TARS3: variants seen among roughly 807,000 people sequenced by gnomAD.
The protein encoded by TARS3 is threonyl-tRNA synthetase 3, also known as threonine--tRNA ligase 2, cytoplasmic.
A neutral mutation model predicts 103.5 loss-of-function variants in TARS3; 94 were observed. That is an observed-to-expected ratio of 0.91 (90% CI 0.77 to 1.08). TARS3 has a LOEUF of 1.08. Ranked by LOEUF, TARS3 falls within the 50% of genes least tolerant of loss-of-function variation. The probability of loss-of-function intolerance (pLI) is 0.00; values close to 1 mark genes in which losing one functional copy is unlikely to be tolerated. For synonymous variants in TARS3, 416 were observed against 355.4 expected, an observed-to-expected ratio of 1.17 and a Z score of -1.92; for missense variants, 952 against 995.2, an observed-to-expected ratio of 0.96 and a Z score of 0.58.
chr15:101,682,862 A>G (rs1352717351), intron 12 of TARS3, among the ~76,000 whole-genome samples: 2 of 152,178 alleles, frequency 1.3e-5, no homozygotes, highest in Admixed American at 1.3e-4. Flanking sequence ...GTAAAGTTTA[A>G]TAGTTTTGTC....
chr15:101,719,731 C>T (rs1900350861), intron 3 of TARS3, among the ~76,000 whole-genome samples: 1 of 152,184 alleles, frequency 6.6e-6, no homozygotes. Flanking sequence ...ACCCAGCTTC[C>T]ACCGCTAGAC....
intron 10 of TARS3, among the ~76,000 whole-genome samples, chr15:101,689,178 C>A (rs1276751154): frequency 6.6e-6 from 1 of 152,088 alleles, no homozygotes; most frequent in Non-Finnish European, 1.5e-5. Flanking sequence ...CCCTTGATCG[C>A]AATTACTGGG....
chr15:101,714,394 A>C (rs1900025237), intron 4 of TARS3, among the ~76,000 whole-genome samples: 1 of 152,028 alleles, frequency 6.6e-6, no homozygotes, highest in East Asian at 1.9e-4. Flanking sequence ...GCTCGAGCCC[A>C]GGAGTTTGAG....
chr15:101,707,953 C>T (rs1899651728), intron 6 of TARS3, among the ~76,000 whole-genome samples: 1 of 152,088 alleles, frequency 6.6e-6, no homozygotes, highest in African/African-American at 2.4e-5. Context: ...TTTCAAAGTA[C>T]ATGTTTTTGG....
In TARS3 at chr15:101,654,553, T is replaced by C; in HGVS notation, c.*29A>G. On this transcript the variant is annotated 3_prime_UTR_variant, in exon 19 of 19. Coordinates refer to ENST00000335968, the MANE Select transcript of TARS3 (RefSeq NM_152334.3). Reference sequence around the variant, plus strand: ...ACATTTTTAAGGGTCAAAACAAAGTTACACAGAAGCAAATATCAGGGAAGG... The same window carrying C: ...ACATTTTTAAGGGTCAAAACAAAGTCACACAGAAGCAAATATCAGGGAAGG... 2.5e-6 allele frequency: 4 copies of C among 1,600,882 alleles called. No homozygotes were observed. Among genetic ancestry groups the C allele is most frequent in the Non-Finnish European group, 2.6e-6 (3 of 1,176,416 alleles).
intron 3 of TARS3, 129 bp from the exon 4 acceptor site, chr15:101,715,092 C>G (rs1900076321): frequency 1.3e-6 from 1 of 756,392 alleles, no homozygotes; most frequent in African/African-American, 1.8e-5. Context: ...ACTAATAGGA[C>G]AGATATTTCT....
chr15:101,688,878 TTC>T (rs1441357002), intron 10 of TARS3, among the ~76,000 whole-genome samples: 1 of 152,186 alleles, frequency 6.6e-6, no homozygotes, highest in African/African-American at 2.4e-5. Context: ...TGTTCCTGTC[TTC>T]TGTTTTTCAG....
chr15:101,699,456 C>G, intron 10 of TARS3: 1 of 455,930 alleles, frequency 2.2e-6, no homozygotes, highest in Non-Finnish European at 4.4e-6. Flanking sequence ...TAAGAGATCC[C>G]CTTAATGCCA....
chr15:101,674,501 T>G (rs980559877), intron 13 of TARS3, among the ~76,000 whole-genome samples: 1 of 152,306 alleles, frequency 6.6e-6, no homozygotes, highest in Admixed American at 6.5e-5. Context: ...CTGCGAAAGT[T>G]CCAGCCACAG....
At chr15:101,717,998 A>G (rs538293310) in intron 3 of TARS3, among the ~76,000 whole-genome samples, 2 of 152,260 alleles carry the variant, frequency 1.3e-5, no homozygotes, top group Non-Finnish European at 2.9e-5. Context: ...TTGTGATAGT[A>G]TATCAAAATA....
chr15:101,678,361 C>T (rs1219556480), intron 12 of TARS3, among the ~76,000 whole-genome samples: 3 of 152,178 alleles, frequency 2.0e-5, no homozygotes, highest in African/African-American at 7.2e-5. Context: ...TAGGGCTTTA[C>T]ACTGCCTTTT....
At chr15:101,666,760 A>G (rs1897596981) in intron 15 of TARS3, among the ~76,000 whole-genome samples, 1 of 152,212 alleles carries the variant, frequency 6.6e-6, no homozygotes, top group Admixed American at 6.5e-5. Flanking sequence ...TATATGAGAA[A>G]TGATACTAGA....
At chr15:101,659,630 C>G (rs1450192053) in intron 16 of TARS3, among the ~76,000 whole-genome samples, 4 of 152,206 alleles carry the variant, frequency 2.6e-5, no homozygotes, top group Non-Finnish European at 5.9e-5. Flanking sequence ...CTAGTTCTCT[C>G]TCTTTTCTTT....
chr15:101,669,418 GA>G (rs949761993), intron 15 of TARS3, among the ~76,000 whole-genome samples: 57 of 152,196 alleles, frequency 3.7e-4, no homozygotes, highest in African/African-American at 1.3e-3. Flanking sequence ...AACTATTGAA[GA>G]AAAAAATTAT....
intron 3 of TARS3, among the ~76,000 whole-genome samples, chr15:101,715,455 G>A (rs978034374): frequency 1.3e-5 from 2 of 152,012 alleles, no homozygotes; most frequent in Non-Finnish European, 2.9e-5. Flanking sequence ...CACATTCACT[G>A]TTTAAAAAAA....
chr15:101,702,504 T>G, intron 8 of TARS3, 119 bp from the exon 9 acceptor site: 1 of 837,038 alleles, frequency 1.2e-6, no homozygotes, highest in Non-Finnish European at 1.9e-6. Flanking sequence ...GCATGGTGGC[T>G]CATGCCTATA....
chr15:101,723,680 T>C (rs950667915), intron 1 of TARS3, among the ~76,000 whole-genome samples: 3 of 151,998 alleles, frequency 2.0e-5, no homozygotes, highest in African/African-American at 7.3e-5. Flanking sequence ...AGCGAAAACT[T>C]CTCGTCCAAA....
chr15:101,674,494 C>A (rs187633720), intron 13 of TARS3, among the ~76,000 whole-genome samples: 45 of 152,096 alleles, frequency 3.0e-4, no homozygotes, highest in Admixed American at 2.2e-3. Context: ...CCTCACACTG[C>A]GAAAGTTCCA....
intron 10 of TARS3, among the ~76,000 whole-genome samples, chr15:101,700,529 A>G (rs1899213160): frequency 6.6e-6 from 1 of 152,184 alleles, no homozygotes; most frequent in Admixed American, 6.5e-5. Context: ...TATATTCTAC[A>G]TGGTTTAGAA....
Sources: gnomAD v4.1 joint callset for allele counts (sites outside exome capture counted in the v4.1 genomes callset) on GRCh38, gnomAD v4.1.1 for gene constraint, MANE v1.5 for transcripts, NCBI Gene and HGNC (gene_info 2026-07-23, HGNC 2026-07-21) for gene names.